MATN1: variants seen among roughly 807,000 people sequenced by gnomAD.
MATN1 encodes matrilin-1.
In MATN1, 34 loss-of-function variants were observed where a neutral mutation model predicts 41.3. The observed-to-expected ratio is 0.82, with a 90% CI of 0.63 to 1.10. MATN1 has a LOEUF of 1.10. MATN1 is among the 50% of genes least tolerant of loss of function. The probability of loss-of-function intolerance (pLI) is 0.00; values close to 1 mark genes in which losing one functional copy is unlikely to be tolerated. For synonymous variants in MATN1, 264 were observed against 278.7 expected (o/e 0.95, Z 0.53); for missense variants, 602 against 662.4 (o/e 0.91, Z 1.00).
intron 3 of MATN1, 48 bp downstream of exon 3, chr1:30,718,687 T>A: frequency 1.7e-6 from 2 of 1,205,564 alleles, no homozygotes; most frequent in Non-Finnish European, 2.2e-6. Flanking sequence ...CCCGCCGCTC[T>A]CCCCTTCTCC....
At chr1:30,714,204 C>T (rs1356496883) in intron 7 of MATN1, 43 bp downstream of exon 7, 4 of 1,483,564 alleles carry the variant, frequency 2.7e-6, no homozygotes, top group African/African-American at 2.8e-5. Context: ...CCAACACTGG[C>T]CTGCGCCCCT....
rs536557037 is a variant in MATN1 at position 30,716,204 on chromosome 1, C to A, written c.912G>T (p.Thr304=). ...GGGCCAGCTTGTCTGACACGTCCAG[C>A]GTATCCACGATCTGACTGATGAACT... ...VKKFISQIVD[T]LDVSDKLAQV... Residue 304 remains threonine (T), a synonymous_variant, in exon 5 of 8, where the codon ACG becomes ACT. Transcript: ENST00000373765. The A allele has an allele frequency of 1.2e-6, 2 of 1,614,220 alleles. No homozygotes were observed. The highest frequency in any genetic ancestry group is 1.7e-6 in the Non-Finnish European group (2 of 1,180,038).
intron 3 of MATN1, among the ~76,000 whole-genome samples, chr1:30,718,006 G>C (rs1030799817): frequency 6.6e-6 from 1 of 152,166 alleles, no homozygotes; most frequent in Non-Finnish European, 1.5e-5. Flanking sequence ...TGGGGCTGGA[G>C]ACCCTCCTCC....
rs148907497 is a variant in MATN1 at position 30,721,697 on chromosome 1, C to T, written c.149G>A (p.Arg50His). The T allele has an allele frequency of 5.2e-4, 833 of 1,612,864 alleles. No individual in the cohort carries two copies. Among genetic ancestry groups the T allele is most frequent in the Non-Finnish European group, 6.6e-4 (784 of 1,180,016 alleles). ...CTCAAATTCAACAGGCCGAACGCTG[C>T]GAGAGCTGTCGACAACAAACACCAG... The part of the protein sequence containing the change: ...TDLVFVVDSS[R>H]SVRPVEFEKV... Residue 50 changes from arginine (R) to histidine (H), a missense_variant, in exon 2 of 8, where the codon CGC (arginine) becomes CAC (histidine). Coordinates refer to ENST00000373765, the MANE Select transcript of MATN1 (RefSeq NM_002379.3).
Position 30,721,527 on chromosome 1 carries a change from C to A in MATN1, c.319G>T (p.Ala107Ser). ...GACAGCGGCTGGATACGGCGCACAGCCTGCAGCAGTGCGGCCTTGGAGACA... is the reference window on the plus strand; with the variant it reads ...GACAGCGGCTGGATACGGCGCACAGACTGCAGCAGTGCGGCCTTGGAGACA... ...AHVSKAALLQ[A>S]VRRIQPLSTG... Residue 107 changes from alanine (A) to serine (S), a missense_variant, in exon 2 of 8, where the codon GCT becomes TCT. By Grantham distance (99) the Ala-to-Ser change is moderately conservative. Coordinates refer to ENST00000373765, the MANE Select transcript of MATN1 (RefSeq NM_002379.3). 1.2e-6 allele frequency: 2 copies of A among 1,613,258 alleles called. No homozygotes were observed. The highest frequency in any genetic ancestry group is 1.7e-6 in the Non-Finnish European group (2 of 1,180,040).
Position 30,715,154 on chromosome 1 carries a change from C to T in MATN1, c.1360+3G>A. The stretch of plus-strand genomic sequence containing the variant: ...CATCAATGCCAGCCCTGGCCTCACT[C>T]ACCCACACAGATCTTCTTCTGCAAC... On this transcript the variant is annotated splice_donor_region_variant and intron_variant, in intron 6 of 7. Transcript: ENST00000373765. The T allele has an allele frequency of 6.2e-7, 1 of 1,614,094 alleles. No individual in the cohort carries two copies. Among genetic ancestry groups the T allele is most frequent in the Non-Finnish European group, 8.5e-7 (1 of 1,179,958 alleles).
At position 30,721,651 on chromosome 1, in the gene MATN1, G is replaced by C; in HGVS notation, c.195C>G (p.Ser65=). 1.2e-6 allele frequency: 2 copies of C among 1,613,472 alleles called. No individual in the cohort carries two copies. The highest frequency in any genetic ancestry group is 1.7e-6 in the Non-Finnish European group (2 of 1,180,046). ...CCACGTCCAGCGACTCGATGACCTG[G>C]GACAGGAATACCTTCACTTTCTCAA... ...VEFEKVKVFL[S]QVIESLDVGP... The change falls in exon 2 of 8, where the codon TCC becomes TCG. Residue 65 remains serine, a synonymous_variant. Coordinates refer to ENST00000373765, the MANE Select transcript of MATN1 (RefSeq NM_002379.3).
rs546319547 is a variant in MATN1, at chr1:30,722,251, A to G, written c.95-500T>C. ...GCATGGGCACAGGCTTGAGAGCCAAAGCAGTGCCCGTCAACATGGCCTCTT... is the reference window on the plus strand; with the variant it reads ...GCATGGGCACAGGCTTGAGAGCCAAGGCAGTGCCCGTCAACATGGCCTCTT... On this transcript the variant is annotated intron_variant, in intron 1 of 7. Coordinates refer to ENST00000373765, the MANE Select transcript of MATN1 (RefSeq NM_002379.3). Among the ~76,000 whole-genome samples, 254 of 152,396 alleles carry G rather than the reference A, an allele frequency of 1.7e-3. 1 individual carries two copies. Among genetic ancestry groups the G allele is most frequent in the African/African-American group, 5.6e-3 (232 of 41,594 alleles).
At chr1:30,719,125 T>C in intron 2 of MATN1, 168 bp from the exon 3 acceptor site, 1 of 531,174 alleles carries the variant, frequency 1.9e-6, no homozygotes, top group South Asian at 2.8e-5. Flanking sequence ...TTCCTCTGAC[T>C]GAGAGACGTG....
rs773501399 is a variant in MATN1, at chr1:30,716,339, G to A, written c.791-14C>T. ...CACCACTGCAGACTGTGGAGGACAG[G>A]AAGGCAACGGGCTGAAGCTGAAGGA... On this transcript the variant is annotated splice_polypyrimidine_tract_variant and intron_variant, in intron 4 of 7. Transcript: ENST00000373765. 1.9e-6 allele frequency: 3 copies of A among 1,608,966 alleles called. No homozygotes were observed. The highest frequency in any genetic ancestry group is 2.2e-5 in the East Asian group (1 of 44,778).
In MATN1 at chr1:30,717,945, G is replaced by A. The variant is rs540713649; in HGVS notation, c.664+790C>T. ...TGGGATTACAGGCGTGAGCCACCGCGCCCGGCCATAAAAGGACTCTTAACA... is the reference window on the plus strand; with the variant it reads ...TGGGATTACAGGCGTGAGCCACCGCACCCGGCCATAAAAGGACTCTTAACA... On this transcript the variant is annotated intron_variant, in intron 3 of 7. Coordinates refer to ENST00000373765, the MANE Select transcript of MATN1 (RefSeq NM_002379.3). Among the ~76,000 whole-genome samples the A allele has an allele frequency of 6.6e-5, 10 of 152,234 alleles. No individual in the cohort carries two copies. The East Asian group carries it at 1.4e-3, about 21-fold the overall frequency.
At chr1:30,719,179 C>T in intron 2 of MATN1, 1 of 503,820 alleles carries the variant, frequency 2.0e-6, no homozygotes, top group East Asian at 3.4e-5. Context: ...GGGCAGGCAG[C>T]TCTGAGATGC....
intron 2 of MATN1, chr1:30,719,948 G>T (rs1639676889): frequency 1.3e-5 from 2 of 152,448 alleles, no homozygotes; most frequent in Non-Finnish European, 2.9e-5. Context: ...AAGGGTTGTG[G>T]TGAGGTTGAG....
At position 30,713,304 on chromosome 1, in the gene MATN1, T is replaced by G; in HGVS notation, c.*278A>C. On this transcript the variant is annotated 3_prime_UTR_variant, in exon 8 of 8. Coordinates refer to ENST00000373765, the MANE Select transcript of MATN1 (RefSeq NM_002379.3). ...TATAAAAATGCAAACGCAGTCCCTC[T>G]CACACTCACCCCTGCATTATCACTC... 4.1e-6 allele frequency: 2 copies of G among 484,340 alleles called. No individual in the cohort carries two copies. The highest frequency in any genetic ancestry group is 5.5e-4 in the Middle Eastern group (1 of 1,814). The allele number at this position is 484,340 out of a possible 1,614,324, so 30.0% of individuals were successfully genotyped here.
rs1301963433 is a variant in MATN1 at position 30,716,078 on chromosome 1, G to A, written c.1038C>T (p.Ser346=). ...KDIKAAVRNM[S]YMEKGTMTGA... The stretch of plus-strand genomic sequence containing the variant: ...CAGTCATTGTGCCCTTCTCCATGTA[G>A]GACATATTCCGCACAGCCGCCTTGA... Residue 346 remains serine, a synonymous_variant, in exon 5 of 8, where the codon TCC becomes TCT. Transcript: ENST00000373765. 3 of 1,614,214 alleles carry A rather than the reference G, an allele frequency of 1.9e-6. No homozygotes were observed. The highest frequency in any genetic ancestry group is 3.3e-5 in the Admixed American group (2 of 60,034).
At chr1:30,723,270 T>A (rs1345930734) in intron 1 of MATN1, among the ~76,000 whole-genome samples, 188 bp downstream of exon 1, 1 of 152,134 alleles carries the variant, frequency 6.6e-6, no homozygotes, top group East Asian at 1.9e-4. Context: ...GGAGCACCCC[T>A]GCCCTGACCC....
chr1:30,719,003 G>T (rs910307820), intron 2 of MATN1, 46 bp from the exon 3 acceptor site: 16 of 1,410,952 alleles, frequency 1.1e-5, no homozygotes, highest in African/African-American at 4.3e-5. Context: ...GGAAGCCCAC[G>T]GGACTGTCCA....
intron 6 of MATN1, 150 bp from the exon 7 acceptor site, chr1:30,714,477 G>A: frequency 1.5e-6 from 1 of 666,810 alleles, no homozygotes; most frequent in Non-Finnish European, 2.7e-6. Context: ...GATATAGATA[G>A]TCCTTGAGAC....
At chr1:30,720,332 CA>C in intron 2 of MATN1, 1 of 152,390 alleles carries the variant, frequency 6.6e-6, no homozygotes, top group South Asian at 2.1e-4. Context: ...TCCACCACCT[CA>C]ACCATCAGCT....
Sources: allele counts gnomAD v4.1 joint callset (sites outside exome capture counted in the v4.1 genomes callset), GRCh38; gene constraint gnomAD v4.1.1; transcripts MANE v1.5; gene names NCBI Gene and HGNC (gene_info 2026-07-23, HGNC 2026-07-21).